The following ACYP2 variants were observed in gnomAD, a reference collection of about 807,000 sequenced individuals.
The protein encoded by ACYP2 is acylphosphatase 2.
Under a neutral mutation model 11.2 loss-of-function variants are expected in ACYP2, and 12 were observed. That is an observed-to-expected ratio of 1.08 (90% CI 0.69 to 1.74). The LOEUF is 1.74. Ranked by LOEUF, ACYP2 falls within the 40% of genes most tolerant of loss-of-function variation. The probability of loss-of-function intolerance (pLI) is 0.00; values close to 1 mark genes in which losing one functional copy is unlikely to be tolerated. For missense variants in ACYP2, 134 were observed against 101.9 expected, an observed-to-expected ratio of 1.31 and a Z score of -1.35; for synonymous variants, 43 against 32.2, an observed-to-expected ratio of 1.33 and a Z score of -1.13.
chr2:53,980,862 C>G (rs888439146), intron 2 of ACYP2, among the ~76,000 whole-genome samples: 1 of 152,092 alleles, frequency 6.6e-6, no homozygotes, highest in African/African-American at 2.4e-5. Context: ...AGGTGATCCT[C>G]CCACCTCAGC....
chr2:54,288,489 G>A (rs183958663), intron 6 of ACYP2, among the ~76,000 whole-genome samples: 19 of 152,010 alleles, frequency 1.2e-4, no homozygotes, highest in Admixed American at 1.2e-3. Context: ...GCTAGAGAAA[G>A]AACAATCTAA....
chr2:54,133,636 T>A (rs918884387), intron 4 of ACYP2, among the ~76,000 whole-genome samples: 2 of 152,222 alleles, frequency 1.3e-5, no homozygotes, highest in African/African-American at 4.8e-5. Flanking sequence ...CAAAGAAGCC[T>A]GTTCTAATTC....
intron 2 of ACYP2, among the ~76,000 whole-genome samples, chr2:54,039,250 G>A (rs1245659798): frequency 4.1e-5 from 5 of 123,234 alleles, no homozygotes; most frequent in African/African-American, 9.4e-5. Flanking sequence ...AGCCTACATC[G>A]TGCTTTAATT....
At chr2:54,098,474 C>G (rs964766446) in intron 4 of ACYP2, among the ~76,000 whole-genome samples, 10 of 152,046 alleles carry the variant, frequency 6.6e-5, no homozygotes, top group African/African-American at 2.4e-4. Context: ...ATGGAATGTC[C>G]TATATTCTGG....
In ACYP2 at chr2:54,227,211, G is replaced by A. The variant is rs147061321; in HGVS notation, c.405-77477G>A. Among the ~76,000 whole-genome samples, 819 of 152,254 alleles carry A rather than the reference G, an allele frequency of 5.4e-3. 4 individuals are homozygous for A. Among genetic ancestry groups the A allele is most frequent in the Non-Finnish European group, 9.1e-3 (617 of 68,002 alleles). On this transcript the variant is annotated intron_variant, in intron 6 of 6. Coordinates refer to ENST00000607452, the MANE Select transcript of ACYP2 (RefSeq NM_001320586.2). Reference sequence around the variant, plus strand: ...TCTTTTGTCAAAGAGTGAGTAATAAGTTTCTATTTTTCCAAAAGCAGTTTA... The same window carrying A: ...TCTTTTGTCAAAGAGTGAGTAATAAATTTCTATTTTTCCAAAAGCAGTTTA...
chr2:54,218,303 C>T (rs115406268), intron 6 of ACYP2, among the ~76,000 whole-genome samples: 419 of 152,274 alleles, frequency 2.8e-3, no homozygotes, highest in Non-Finnish European at 5.1e-3. Flanking sequence ...GACTGATTGA[C>T]CTTTCTATCC....
chr2:54,298,810 G>A (rs1470099099), intron 6 of ACYP2, among the ~76,000 whole-genome samples: 1 of 152,222 alleles, frequency 6.6e-6, no homozygotes. Context: ...GGAGTGCAGT[G>A]GTGTGATCTC....
intron 2 of ACYP2, among the ~76,000 whole-genome samples, chr2:53,992,094 T>TCCTCCTTCCCTCCCTC (rs1425506403): frequency 6.9e-6 from 1 of 145,388 alleles, no homozygotes; most frequent in African/African-American, 2.6e-5. Flanking sequence ...CTTCCTTCCT[T>TCCTCCTTCCCTCCCTC]CCTCCTTCCC....
chr2:54,136,630 G>A (rs1681253638), intron 5 of ACYP2, among the ~76,000 whole-genome samples: 1 of 152,346 alleles, frequency 6.6e-6, no homozygotes, highest in East Asian at 1.9e-4. Context: ...GGGATGTGGA[G>A]TGTAGAGATC....
chr2:54,219,900 TATATA>T (rs1407277629), intron 6 of ACYP2, among the ~76,000 whole-genome samples: 7 of 116,450 alleles, frequency 6.0e-5, no homozygotes, highest in Admixed American at 1.8e-4. Flanking sequence ...TATATATATA[TATATA>T]TTTTTTTTTT....
intron 6 of ACYP2, among the ~76,000 whole-genome samples, chr2:54,201,633 T>TTC (rs59867853): frequency 1.0e-4 from 6 of 60,196 alleles, no homozygotes; most frequent in Admixed American, 3.2e-4. Context: ...TGTTTCTTTC[T>TTC]TTCTCTTTCT....
At position 54,298,791 on chromosome 2, in the gene ACYP2, G is replaced by A. The variant is rs1005982907; in HGVS notation, c.405-5897G>A. Reference sequence around the variant, plus strand: ...TTGAGACAGTCTTACTCACTCTGTCGCCTAGGCTGGAGTGCAGTGGTGTGA... The same window carrying A: ...TTGAGACAGTCTTACTCACTCTGTCACCTAGGCTGGAGTGCAGTGGTGTGA... On this transcript the variant is annotated intron_variant, in intron 6 of 6. Coordinates refer to ENST00000607452, the MANE Select transcript of ACYP2 (RefSeq NM_001320586.2). Among the ~76,000 whole-genome samples, 4 of 152,298 alleles carry A rather than the reference G, an allele frequency of 2.6e-5. No individual in the cohort carries two copies. In the East Asian group the frequency reaches 5.8e-4, roughly 22 times the overall value.
intron 2 of ACYP2, among the ~76,000 whole-genome samples, chr2:53,992,305 A>G (rs1440810188): frequency 6.6e-6 from 1 of 151,994 alleles, no homozygotes; most frequent in Non-Finnish European, 1.5e-5. Flanking sequence ...ACTTAAATTT[A>G]CTCTAAGTGC....
chr2:54,073,464 T>C (rs1387425626), intron 4 of ACYP2, among the ~76,000 whole-genome samples: 1 of 152,202 alleles, frequency 6.6e-6, no homozygotes, highest in African/African-American at 2.4e-5. Context: ...TTTATGACTT[T>C]GGAAAGGCAA....
At chr2:54,130,799 C>T (rs1025294486) in intron 4 of ACYP2, among the ~76,000 whole-genome samples, 4 of 152,054 alleles carry the variant, frequency 2.6e-5, no homozygotes, top group Admixed American at 6.6e-5. Flanking sequence ...GATCTCAAAC[C>T]TCGGGCCTTT....
intron 4 of ACYP2, among the ~76,000 whole-genome samples, chr2:54,074,367 G>A (rs1048890135): frequency 2.0e-5 from 3 of 151,954 alleles, no homozygotes; most frequent in African/African-American, 4.8e-5. Flanking sequence ...AAATACCAAG[G>A]TGGGAGGATC....
At chr2:54,232,304 T>C (rs1330909882) in intron 6 of ACYP2, among the ~76,000 whole-genome samples, 1 of 152,142 alleles carries the variant, frequency 6.6e-6, no homozygotes, top group African/African-American at 2.4e-5. Flanking sequence ...AGTTGCTGTT[T>C]TCCCAGAAAG....
chr2:54,207,688 C>T (rs1489814045), intron 6 of ACYP2, among the ~76,000 whole-genome samples: 2 of 152,038 alleles, frequency 1.3e-5, no homozygotes, highest in Non-Finnish European at 2.9e-5. Context: ...TGCAACTCTG[C>T]AGTAATAAAG....
At chr2:54,058,830 A>G (rs750409004) in intron 4 of ACYP2, among the ~76,000 whole-genome samples, 43 of 151,664 alleles carry the variant, frequency 2.8e-4, no homozygotes, top group Admixed American at 4.6e-4. Context: ...GTGAGGGAGA[A>G]GTTTTATGGT....
Sources: gnomAD v4.1 joint callset for allele counts (sites outside exome capture counted in the v4.1 genomes callset) on GRCh38, gnomAD v4.1.1 for gene constraint, MANE v1.5 for transcripts, NCBI Gene and HGNC (gene_info 2026-07-23, HGNC 2026-07-21) for gene names.